CHODL: variants seen among roughly 807,000 people sequenced by gnomAD.
CHODL encodes transmembrane protein MT75.
In CHODL, 29 loss-of-function variants were observed where a neutral mutation model predicts 34.5. The observed-to-expected ratio is 0.84, with a 90% CI of 0.63 to 1.15. The LOEUF is 1.15. Ranked by LOEUF, CHODL falls within the 50% of genes most tolerant of loss-of-function variation. CHODL has a pLI of 0.00. For synonymous variants in CHODL, 125 were observed against 116.1 expected, an observed-to-expected ratio of 1.08 and a Z score of -0.49; for missense variants, 332 against 332.5, an observed-to-expected ratio of 1.00 and a Z score of 0.01.
Position 18,001,773 on chromosome 21 carries a change from CTTT to C in CHODL, c.-144-26078_-144-26076del, listed in dbSNP as rs59908803. Among the ~76,000 whole-genome samples, 1,101 of 124,156 alleles carry C rather than the reference CTTT, an allele frequency of 8.9e-3. 21 individuals are homozygous for C. The highest frequency in any genetic ancestry group is 0.027 in the African/African-American group (974 of 35,444). The allele number at this position is 124,156 out of a possible 152,430, so 81.5% of individuals were successfully genotyped here. ...TCATGCCATACGTTGGCCTCATCCTCTTTTTTTTTTTTTTTTTTTTTTTAATTT... is the reference window on the plus strand; with the variant it reads ...TCATGCCATACGTTGGCCTCATCCTCTTTTTTTTTTTTTTTTTTTTAATTT... On this transcript the variant is annotated intron_variant, in intron 1 of 6. Transcript: ENST00000400127.
At chr21:18,125,839 G>A (rs2065536993) in intron 2 of CHODL, among the ~76,000 whole-genome samples, 1 of 152,178 alleles carries the variant, frequency 6.6e-6, no homozygotes, top group South Asian at 2.1e-4. Context: ...AAATATTGGT[G>A]AGGAGAATAT....
intron 2 of CHODL, among the ~76,000 whole-genome samples, chr21:18,098,806 C>G (rs1041153405): frequency 6.6e-6 from 1 of 151,930 alleles, no homozygotes; most frequent in Non-Finnish European, 1.5e-5. Flanking sequence ...TCACAGTAGC[C>G]AAGACTTGGA....
chr21:18,106,120 A>G (rs2065269106), intron 2 of CHODL, among the ~76,000 whole-genome samples: 1 of 152,214 alleles, frequency 6.6e-6, no homozygotes, highest in South Asian at 2.1e-4. Context: ...ATGGGTTGGT[A>G]GGACTAAAAT....
At chr21:18,098,195 CA>C (rs1183080866) in intron 2 of CHODL, among the ~76,000 whole-genome samples, 6 of 151,676 alleles carry the variant, frequency 4.0e-5, no homozygotes, top group Admixed American at 3.9e-4. Flanking sequence ...GCAACCAGAG[CA>C]AAAAGGAACA....
intron 2 of CHODL, among the ~76,000 whole-genome samples, chr21:18,104,355 G>T (rs1009487935): frequency 6.6e-6 from 1 of 152,022 alleles, no homozygotes; most frequent in African/African-American, 2.4e-5. Flanking sequence ...CCCTTCGCTT[G>T]GCATTTCTCC....
chr21:18,261,630 C>A (rs1452171025), intron 4 of CHODL, among the ~76,000 whole-genome samples: 2 of 151,978 alleles, frequency 1.3e-5, no homozygotes, highest in Non-Finnish European at 2.9e-5. Context: ...TTGCGCCATG[C>A]ACTCTGGCCT....
intron 2 of CHODL, among the ~76,000 whole-genome samples, chr21:18,223,697 T>C (rs969269238): frequency 6.6e-6 from 1 of 152,042 alleles, no homozygotes; most frequent in Non-Finnish European, 1.5e-5. Context: ...CAGCACCAAA[T>C]GGCATAATTA....
At chr21:17,996,467 TAAC>T (rs750094217) in intron 1 of CHODL, among the ~76,000 whole-genome samples, 4 of 152,152 alleles carry the variant, frequency 2.6e-5, no homozygotes, top group Admixed American at 6.5e-5. Flanking sequence ...TAGAGTGGGT[TAAC>T]AACTGCTCAG....
intron 2 of CHODL, among the ~76,000 whole-genome samples, chr21:18,210,587 ACTC>A (rs907301824): frequency 7.9e-5 from 12 of 151,244 alleles, no homozygotes; most frequent in Admixed American, 7.9e-4. Flanking sequence ...CAGGTTAAAA[ACTC>A]TGACTCCTCT....
chr21:18,009,866 C>T (rs1192884203), intron 1 of CHODL, among the ~76,000 whole-genome samples: 5 of 137,520 alleles, frequency 3.6e-5, no homozygotes, highest in Admixed American at 1.5e-4. Flanking sequence ...CCAGCCTGGG[C>T]GACAGAGCCA....
chr21:18,082,728 G>A (rs769464211), intron 2 of CHODL, among the ~76,000 whole-genome samples: 2 of 152,148 alleles, frequency 1.3e-5, no homozygotes, highest in Non-Finnish European at 2.9e-5. Flanking sequence ...CTTTGAACTT[G>A]AGAGAGAGAA....
At chr21:18,177,631 G>A (rs972356326) in intron 2 of CHODL, among the ~76,000 whole-genome samples, 6 of 152,030 alleles carry the variant, frequency 3.9e-5, no homozygotes, top group African/African-American at 1.4e-4. Flanking sequence ...GCCAGAAAAT[G>A]TGCCAACATT....
chr21:18,037,239 T>C (rs1417961238), intron 2 of CHODL, among the ~76,000 whole-genome samples: 2 of 151,944 alleles, frequency 1.3e-5, no homozygotes, highest in East Asian at 3.9e-4. Flanking sequence ...GGAGATTTAA[T>C]TGGCATCCAA....
At chr21:18,120,676 T>C (rs1287019059) in intron 2 of CHODL, among the ~76,000 whole-genome samples, 4 of 152,224 alleles carry the variant, frequency 2.6e-5, no homozygotes, top group African/African-American at 9.6e-5. Flanking sequence ...CATATACACA[T>C]ATTTAAATGT....
chr21:17,929,039 G>A (rs1397949691), intron 1 of CHODL, among the ~76,000 whole-genome samples: 3 of 152,160 alleles, frequency 2.0e-5, no homozygotes, highest in African/African-American at 7.2e-5. Flanking sequence ...TGTTTCTAAT[G>A]TCAACACTGG....
At chr21:18,101,769 A>C (rs1568886887) in intron 2 of CHODL, among the ~76,000 whole-genome samples, 1 of 150,432 alleles carries the variant, frequency 6.6e-6, no homozygotes, top group Non-Finnish European at 1.5e-5. Context: ...AAAGTTTCTC[A>C]TCCATGGTAA....
chr21:18,196,537 C>A (rs940379604), intron 2 of CHODL, among the ~76,000 whole-genome samples: 1 of 151,948 alleles, frequency 6.6e-6, no homozygotes, highest in African/African-American at 2.4e-5. Flanking sequence ...TGCGGGGAGG[C>A]GGAGGAAAAG....
At chr21:17,982,473 A>C (rs186716585) in intron 1 of CHODL, among the ~76,000 whole-genome samples, 1 of 152,234 alleles carries the variant, frequency 6.6e-6, no homozygotes, top group East Asian at 1.9e-4. Context: ...TAATATTGAG[A>C]AGTGATACCC....
rs951337749 is a variant in CHODL at position 18,044,899 on chromosome 21, G to A, written c.-45+16928G>A. 2.0e-5 allele frequency among the ~76,000 whole-genome samples: 3 copies of A among 151,904 alleles called. No individual in the cohort carries two copies. The South Asian group carries it at 6.2e-4, about 32-fold the overall frequency. ...ATGTACTGAGCAGCTATTTCCAGCA[G>A]GGCACTGTGCGAGGTGCTGGGACTC... On this transcript the variant is annotated intron_variant, in intron 2 of 6. Transcript: ENST00000400127.
Sources: allele counts gnomAD v4.1 joint callset (sites outside exome capture counted in the v4.1 genomes callset), GRCh38; gene constraint gnomAD v4.1.1; transcripts MANE v1.5; gene names NCBI Gene and HGNC (gene_info 2026-07-23, HGNC 2026-07-21).